The following DGKZ variants were observed in gnomAD, a reference collection of about 807,000 sequenced individuals.
DGKZ encodes diacylglycerol kinase zeta.
DGKZ carries 45 observed loss-of-function variants against 142.5 expected under a neutral mutation model. That is an observed-to-expected ratio of 0.32 (90% CI 0.25 to 0.40). The LOEUF (loss-of-function observed/expected upper bound fraction) is 0.40. Among genes scored for constraint, DGKZ ranks in the 10% least tolerant of loss-of-function variants. DGKZ has a pLI of 1.00. For missense variants in DGKZ, 755 were observed against 1,306.5 expected, an observed-to-expected ratio of 0.58 and a Z score of 6.51; for synonymous variants, 442 against 527.0, an observed-to-expected ratio of 0.84 and a Z score of 2.21.
chr11:46,364,901 C>A (rs954081204), intron 1 of DGKZ: 1 of 985,326 alleles, frequency 1.0e-6, no homozygotes, highest in Non-Finnish European at 1.2e-6. Flanking sequence ...TGGCTGCCAG[C>A]GGTTAGGATG....
exon 25 of DGKZ, chr11:46,377,189 C>T (rs750401124): frequency 1.2e-6 from 2 of 1,600,214 alleles, no homozygotes; most frequent in East Asian, 4.5e-5. Context: ...CTCTCCCCAC[C>T]TCACCCTGCT....
chr11:46,334,169 G>C (rs1361463984), intron 1 of DGKZ, among the ~76,000 whole-genome samples: 2 of 152,210 alleles, frequency 1.3e-5, no homozygotes, highest in Non-Finnish European at 2.9e-5. Context: ...GTGACCTGGG[G>C]TAGGACGTTA....
intron 1 of DGKZ, among the ~76,000 whole-genome samples, chr11:46,353,085 G>A (rs925444886): frequency 2.0e-5 from 3 of 152,250 alleles, no homozygotes; most frequent in Non-Finnish European, 4.4e-5. Context: ...TGGCGTTCCA[G>A]CTCCTCTGTC....
At chr11:46,378,919 G>GGCCAGC in intron 27 of DGKZ, 72 bp from the exon 28 acceptor site, 1 of 1,494,086 alleles carries the variant, frequency 6.7e-7, no homozygotes, top group South Asian at 1.3e-5. Context: ...CCCGGCTGTG[G>GGCCAGC]GCCAGCGTGT....
At chr11:46,355,799 C>G (rs1026547394) in intron 1 of DGKZ, among the ~76,000 whole-genome samples, 1 of 151,660 alleles carries the variant, frequency 6.6e-6, no homozygotes, top group African/African-American at 2.4e-5. Context: ...CAGGTTGGAG[C>G]GCAATGGCGC....
chr11:46,379,303 T>G, intron 29 of DGKZ, 67 bp downstream of exon 29: 2 of 1,603,932 alleles, frequency 1.2e-6, no homozygotes, highest in South Asian at 1.1e-5. Flanking sequence ...CCCCTCCCAT[T>G]TTGTCAGGTC....
chr11:46,368,245 G>A (rs1402164538), intron 4 of DGKZ, 166 bp downstream of exon 4: 6 of 734,268 alleles, frequency 8.2e-6, no homozygotes, highest in African/African-American at 3.5e-5. Flanking sequence ...TCGAATCCTG[G>A]CTCCTCACTG....
At chr11:46,366,393 T>G (rs781025975) in intron 1 of DGKZ, 1 of 1,524,802 alleles carries the variant, frequency 6.6e-7, no homozygotes. Flanking sequence ...TCCTCCTCAC[T>G]GGCACAGCGG....
At chr11:46,357,149 T>C (rs1161310247) in intron 1 of DGKZ, among the ~76,000 whole-genome samples, 1 of 152,188 alleles carries the variant, frequency 6.6e-6, no homozygotes, top group Non-Finnish European at 1.5e-5. Flanking sequence ...TAGCAGGGGC[T>C]GAGTCAGGGA....
Position 46,379,129 on chromosome 11 carries a change from G to A in DGKZ, c.2539+18G>A, listed in dbSNP as rs770129662. The A allele has an allele frequency of 2.1e-5, 34 of 1,610,336 alleles. 1 individual carries two copies. The South Asian group carries it at 3.7e-4, about 18-fold the overall frequency. ...GGACCACGGTGAGCCGGGCAGTGGAGCCCAGGGCCTGGGGCCAAGGTGGGA... is the reference window on the plus strand; with the variant it reads ...GGACCACGGTGAGCCGGGCAGTGGAACCCAGGGCCTGGGGCCAAGGTGGGA... On this transcript the variant is annotated intron_variant, in intron 28 of 30. Coordinates refer to ENST00000527911, the Ensembl canonical transcript of DGKZ.
intron 1 of DGKZ, chr11:46,364,773 C>A (rs1228414797): frequency 2.0e-6 from 2 of 985,352 alleles, no homozygotes; most frequent in Admixed American, 1.2e-4. Context: ...TCCTCCTGCC[C>A]AACATGCGTC....
intron 5 of DGKZ, 116 bp from the exon 6 acceptor site, chr11:46,369,825 T>TG: frequency 1.8e-6 from 2 of 1,119,246 alleles, no homozygotes; most frequent in Non-Finnish European, 2.7e-6. Flanking sequence ...CCTCCACTCA[T>TG]GCGCAGGACT....
In DGKZ at chr11:46,372,712, G is replaced by A. The variant is rs942373283; in HGVS notation, c.1071+35G>A. ...CCGCATGGGCCAGCCGAGCACCAGG[G>A]CTGGGCCTGAAGCCGGGGTCCCTGT... is the stretch of plus-strand genomic sequence containing the variant. On this transcript the variant is annotated intron_variant, in intron 12 of 30. Coordinates refer to ENST00000527911, the Ensembl canonical transcript of DGKZ. This position sits in a 1 kb window ranked among gnomAD's most constrained non-coding sequence, Gnocchi z 5.9. The A allele has an allele frequency of 1.2e-6, 2 of 1,612,126 alleles. No individual in the cohort carries two copies. Among genetic ancestry groups the A allele is most frequent in the Admixed American group, 1.7e-5 (1 of 59,884 alleles).
intron 1 of DGKZ, among the ~76,000 whole-genome samples, chr11:46,341,180 G>A (rs1419426459): frequency 6.6e-6 from 1 of 152,086 alleles, no homozygotes; most frequent in South Asian, 2.1e-4. Flanking sequence ...GGCCACTTAG[G>A]CAAACAAGAA....
At chr11:46,369,522 G>A (rs1392255865) in exon 5 of DGKZ, 13 of 1,613,406 alleles carry the variant, frequency 8.1e-6, no homozygotes, top group South Asian at 2.2e-5. Flanking sequence ...CCGTCCTTCC[G>A]TGAATCAGGC....
intron 1 of DGKZ, chr11:46,366,717 C>G: frequency 6.4e-7 from 1 of 1,557,030 alleles, no homozygotes; most frequent in South Asian, 1.2e-5. Context: ...CCGCTGTTGC[C>G]CCTACCCCGC....
intron 1 of DGKZ, among the ~76,000 whole-genome samples, chr11:46,337,544 C>T (rs1399588465): frequency 6.6e-6 from 1 of 151,990 alleles, no homozygotes; most frequent in Non-Finnish European, 1.5e-5. Flanking sequence ...GATCCATCCA[C>T]CTCGGCCTCC....
upstream of DGKZ, among the ~76,000 whole-genome samples, chr11:46,344,451 A>ATT (rs552917575): frequency 5.0e-3 from 667 of 133,912 alleles, 9 homozygotes; most frequent in African/African-American, 0.018. Flanking sequence ...CATGAGCTCA[A>ATT]TTTTTTTTTT....
Position 46,367,583 on chromosome 11 carries a change from T to C in DGKZ, c.271-69T>C, listed in dbSNP as rs963492735. 4.2e-6 allele frequency: 2 copies of C among 472,592 alleles called. No individual in the cohort carries two copies. Among genetic ancestry groups the C allele is most frequent in the South Asian group, 1.5e-4 (2 of 13,096 alleles). The allele number at this position is 472,592 out of a possible 1,614,324, so 29.3% of individuals were successfully genotyped here. On this transcript the variant is annotated intron_variant, in intron 2 of 30. Coordinates refer to ENST00000527911, the Ensembl canonical transcript of DGKZ. The surrounding 1 kb of genome is among the most constrained non-coding windows in gnomAD (Gnocchi z 4.1). ...TGGGTTTGTCTTGGGAGAGGGCGGG[T>C]GGGCGGGGGCTGATGGGAGGGAGGG...
Sources: gnomAD v4.1 joint callset for allele counts (sites outside exome capture counted in the v4.1 genomes callset) on GRCh38, gnomAD v4.1.1 for gene constraint, Gnocchi (gnomAD v3.1) non-coding constraint, MANE v1.5 for transcripts, NCBI Gene and HGNC (gene_info 2026-07-23, HGNC 2026-07-21) for gene names.